CREBZF: variants seen among roughly 807,000 people sequenced by gnomAD.
CREBZF encodes CREB/ATF bZIP transcription factor.
Under a neutral mutation model 21.1 loss-of-function variants are expected in CREBZF, and 8 were observed. The ratio of observed to expected loss-of-function variants is 0.38; its 90% CI spans 0.22 to 0.68. CREBZF has a LOEUF of 0.68. CREBZF is among the 30% of genes least tolerant of loss of function. CREBZF has a pLI of 0.51. For missense variants in CREBZF, 518 were observed against 484.3 expected (o/e 1.07, Z -0.65); for synonymous variants, 270 against 223.3 (o/e 1.21, Z -1.86).
Position 85,665,050 on chromosome 11 carries a change from G to T in CREBZF, c.-175C>A, listed in dbSNP as rs990776752. ...TAGTCGACCCCCCGCGCCAAGGCGC[G>T]GGGAGGGACGGGAGAACGAAGCGGT... On this transcript the variant is annotated 5_prime_UTR_variant, in exon 1 of 1. Coordinates refer to ENST00000527447, the MANE Select transcript of CREBZF (RefSeq NM_001039618.4). 6.7e-6 allele frequency: 3 copies of T among 446,258 alleles called. No homozygotes were observed. Among genetic ancestry groups the T allele is most frequent in the Non-Finnish European group, 1.2e-5 (3 of 253,134 alleles). 27.6% of individuals were successfully genotyped at this position (446,258 alleles called of 1,614,324 possible).
At position 85,663,975 on chromosome 11, in the gene CREBZF, C is replaced by A; in HGVS notation, c.901G>T (p.Ala301Ser). 1 of 1,613,262 alleles carries A rather than the reference C, an allele frequency of 6.2e-7. No individual in the cohort carries two copies. The highest frequency in any genetic ancestry group is 8.5e-7 in the Non-Finnish European group (1 of 1,179,950). The change falls in exon 1 of 1, where the codon GCC becomes TCC. Residue 301 changes from alanine (A) to serine (S), a missense_variant. Ala to Ser is a moderately conservative substitution (Grantham distance 99). Around this residue, in one of 3 missense-constraint regions of CREBZF, gnomAD observed 114 missense variants for 134.1 expected, o/e 0.85. Coordinates refer to ENST00000527447, the MANE Select transcript of CREBZF (RefSeq NM_001039618.4). ...GGCAGAGCGTAGTCGTGGTCACCGG[C>A]GGGCGAGTCTCTGAAGAGCGAGGTG... The part of the protein sequence containing the change: ...LTTSLFRDSP[A>S]GDHDYALPVG...
At chr11:85,672,442 G>A (rs965968483) in intron 1 of CREBZF, among the ~76,000 whole-genome samples, 1 of 152,210 alleles carries the variant, frequency 6.6e-6, no homozygotes, top group Admixed American at 6.5e-5. Flanking sequence ...AAGAAAATGG[G>A]TTTTTTCATT....
chr11:85,663,786 C>T lies in CREBZF; in HGVS notation c.*25G>A. On this transcript the variant is annotated 3_prime_UTR_variant, in exon 1 of 1. Transcript: ENST00000527447. ...GTAAGGGAGTTGAAAGGGGTAAACG[C>T]GGATAAAGAGCAGATTACTTGACCC... The T allele has an allele frequency of 6.3e-7, 1 of 1,582,140 alleles. No homozygotes were observed. Among genetic ancestry groups the T allele is most frequent in the Non-Finnish European group, 8.6e-7 (1 of 1,166,330 alleles).
In CREBZF at chr11:85,662,123, A is replaced by G; in HGVS notation, c.*1688T>C. The G allele has an allele frequency of 4.9e-6, 2 of 406,256 alleles. No homozygotes were observed. The highest frequency in any genetic ancestry group is 9.5e-6 in the Non-Finnish European group (2 of 210,164). The allele number at this position is 406,256 out of a possible 1,614,324, so 25.2% of individuals were successfully genotyped here. On this transcript the variant is annotated 3_prime_UTR_variant, in exon 1 of 1. Transcript: ENST00000527447. ...CCCATTCATGCTCAAGTGCAGTAGT[A>G]GATGATTTTACAAAATATGCTGTGA... is the stretch of plus-strand genomic sequence containing the variant.
At chr11:85,665,626 T>C (rs953134935), upstream of CREBZF, among the ~76,000 whole-genome samples, 4 of 151,510 alleles carry the variant, frequency 2.6e-5, no homozygotes, top group African/African-American at 9.7e-5. Context: ...TATCACTATG[T>C]ACCCAATGAA....
In CREBZF at chr11:85,661,234, T is replaced by TAA. The variant is rs2082669041; in HGVS notation, c.*2576_*2577insTT. 1 of 152,384 alleles carries TAA rather than the reference T, an allele frequency of 6.6e-6. No homozygotes were observed. Among genetic ancestry groups the TAA allele is most frequent in the Admixed American group, 6.5e-5 (1 of 15,270 alleles). 9.4% of individuals were successfully genotyped at this position (152,384 alleles called of 1,614,324 possible). A position where few individuals can be genotyped will look rare whatever the true frequency, so the allele number is the denominator to read the frequency against. ...GACCAAATTTATTTAAAGCCCCTATTAGATAGATCCTAAGTACATGCAATT... is the reference window on the plus strand; with the variant it reads ...GACCAAATTTATTTAAAGCCCCTATTAAAGATAGATCCTAAGTACATGCAATT... On this transcript the variant is annotated 3_prime_UTR_variant, in exon 1 of 1. Coordinates refer to ENST00000527447, the MANE Select transcript of CREBZF (RefSeq NM_001039618.4).
chr11:85,675,751 T>C (rs1346483116), intron 1 of CREBZF, among the ~76,000 whole-genome samples: 2 of 152,142 alleles, frequency 1.3e-5, no homozygotes, highest in African/African-American at 2.4e-5. Context: ...TAAAACAAGG[T>C]ATGCCTGTGG....
intron 1 of CREBZF, among the ~76,000 whole-genome samples, chr11:85,676,416 A>C (rs1181803391): frequency 1.3e-5 from 2 of 152,192 alleles, no homozygotes; most frequent in African/African-American, 4.8e-5. Context: ...AAACTTTAAA[A>C]ATTTTAATTT....
chr11:85,680,248 G>A lies in CREBZF; in HGVS notation n.147+2469C>T, dbSNP rs375728941. On this transcript the variant is annotated intron_variant and non_coding_transcript_variant, in intron 1 of 3. Coordinates refer to the CREBZF transcript ENST00000531515. ...ATAGTTCTATATCAATACATTAACAGCTTCCTTTTCCTTTTGTTTTACAGT... is the reference window on the plus strand; with the variant it reads ...ATAGTTCTATATCAATACATTAACAACTTCCTTTTCCTTTTGTTTTACAGT... Among the ~76,000 whole-genome samples the A allele has an allele frequency of 4.6e-5, 7 of 152,264 alleles. No individual in the cohort carries two copies. The South Asian group carries it at 6.2e-4, about 14-fold the overall frequency.
chr11:85,669,855 T>TAG (rs2082899803), upstream of CREBZF, among the ~76,000 whole-genome samples: 1 of 152,228 alleles, frequency 6.6e-6, no homozygotes, highest in African/African-American at 2.4e-5. Flanking sequence ...TTGCCCAGGC[T>TAG]AGAGTGCAGT....
chr11:85,674,115 C>G (rs1344588032), intron 1 of CREBZF, among the ~76,000 whole-genome samples: 2 of 152,232 alleles, frequency 1.3e-5, no homozygotes, highest in Non-Finnish European at 2.9e-5. Context: ...TCAATGGCAT[C>G]TAGAATGGTG....
chr11:85,664,340 C>G lies in CREBZF; in HGVS notation c.536G>C (p.Ser179Thr). ...TCTCCGCCTCTTTTCGGCGCTGCCA[C>G]TGTCACTGCTGCTGCTGCAGCCTCC... ...GIGGCSSSSD[S>T]GSAEKRRRKS... Residue 179 changes from serine to threonine, a missense_variant, in exon 1 of 1, where the codon AGT becomes ACT. Physicochemically the swap from Ser to Thr is moderately conservative, Grantham distance 58 (BLOSUM62 1). This residue lies in a region of CREBZF where 396 missense variants were observed against 324.4 expected (regional missense o/e 1.22). Transcript: ENST00000527447. This position sits in a 1 kb window ranked among gnomAD's most constrained non-coding sequence, Gnocchi z 5.5. 1 of 1,612,840 alleles carries G rather than the reference C, an allele frequency of 6.2e-7. No homozygotes were observed. The highest frequency in any genetic ancestry group is 8.5e-7 in the Non-Finnish European group (1 of 1,179,706).
Position 85,664,660 on chromosome 11 carries a change from G to GCCGCCGCGGCTCC in CREBZF, c.203_215dup (p.Val73GlufsTer57), listed in dbSNP as rs1323069512. 6.2e-7 allele frequency: 1 copy of GCCGCCGCGGCTCC among 1,604,064 alleles called. No homozygotes were observed. The highest frequency in any genetic ancestry group is 8.5e-7 in the Non-Finnish European group (1 of 1,175,056). On this transcript the variant is annotated frameshift_variant, in exon 1 of 1. Transcript: ENST00000527447. LOFTEE classifies it high-confidence loss of function. The surrounding 1 kb of genome is among the most constrained non-coding windows in gnomAD (Gnocchi z 5.5). Reference sequence around the variant, plus strand: ...CGGGGGAGGGCGCGCGCACGGCCACGCCGCCGCGGCTCCCCCTCCCGGCTT... The same window carrying GCCGCCGCGGCTCC: ...CGGGGGAGGGCGCGCGCACGGCCACGCCGCCGCGGCTCCCCGCCGCGGCTCCCCCTCCCGGCTT...
chr11:85,677,361 A>G (rs891908420), intron 1 of CREBZF, among the ~76,000 whole-genome samples: 3 of 152,218 alleles, frequency 2.0e-5, no homozygotes, highest in Non-Finnish European at 4.4e-5. Context: ...AGTTGTCTCA[A>G]AAATGTCTGT....
At chr11:85,680,511 G>A (rs1020828413) in intron 1 of CREBZF, among the ~76,000 whole-genome samples, 3 of 152,158 alleles carry the variant, frequency 2.0e-5, no homozygotes, top group Non-Finnish European at 4.4e-5. Flanking sequence ...GGGGAGTAAG[G>A]GTGTTGTGAG....
chr11:85,668,316 A>C (rs1355935478), upstream of CREBZF, among the ~76,000 whole-genome samples: 1 of 152,088 alleles, frequency 6.6e-6, no homozygotes, highest in East Asian at 1.9e-4. Context: ...CATTTCTTTC[A>C]CCTAGTTTTT....
intron 1 of CREBZF, among the ~76,000 whole-genome samples, chr11:85,670,328 G>A (rs1230401588): frequency 0.028 from 101 of 3,572 alleles, 1 homozygote; most frequent in African/African-American, 0.13. Flanking sequence ...TTTTTGAGAC[G>A]GAGTCTCGCT....
At chr11:85,666,863 T>C (rs555722228), upstream of CREBZF, among the ~76,000 whole-genome samples, 5 of 152,304 alleles carry the variant, frequency 3.3e-5, no homozygotes, top group Non-Finnish European at 5.9e-5. Flanking sequence ...AAAGGACTCC[T>C]TGTCCTGCTT....
rs925715808 is a variant in CREBZF at position 85,661,908 on chromosome 11, T to G, written c.*1903A>C. The G allele has an allele frequency of 1.3e-5, 2 of 151,366 alleles. No individual in the cohort carries two copies. The highest frequency in any genetic ancestry group is 4.9e-5 in the African/African-American group (2 of 41,178). 9.4% of individuals were successfully genotyped at this position (151,366 alleles called of 1,614,324 possible). On this transcript the variant is annotated 3_prime_UTR_variant, in exon 1 of 1. Coordinates refer to ENST00000527447, the MANE Select transcript of CREBZF (RefSeq NM_001039618.4). Reference sequence around the variant, plus strand: ...AAAAAGCTACATTTAACATATTTCATAAAGATAGCACAAATTAGTCATTTC... The same window carrying G: ...AAAAAGCTACATTTAACATATTTCAGAAAGATAGCACAAATTAGTCATTTC...
Sources: gnomAD v4.1 joint callset for allele counts (sites outside exome capture counted in the v4.1 genomes callset) on GRCh38, gnomAD v4.1.1 for gene constraint, gnomAD v4.1.1 regional missense constraint, Gnocchi (gnomAD v3.1) non-coding constraint, MANE v1.5 for transcripts, NCBI Gene and HGNC (gene_info 2026-07-23, HGNC 2026-07-21) for gene names.